The following ABTB2 variants were observed in gnomAD, a reference collection of about 807,000 sequenced individuals.
ABTB2 encodes the protein ankyrin repeat and BTB domain containing 2.
ABTB2 carries 56 observed loss-of-function variants against 104.1 expected under a neutral mutation model. The ratio of observed to expected loss-of-function variants is 0.54; its 90% CI spans 0.43 to 0.67. The LOEUF (loss-of-function observed/expected upper bound fraction) is 0.67, where lower values mean the gene tolerates loss of function less well. Among genes scored for constraint, ABTB2 ranks in the 30% least tolerant of loss-of-function variants. ABTB2 has a pLI of 0.00. For synonymous variants in ABTB2, 606 were observed against 608.2 expected, an observed-to-expected ratio of 1.00 and a Z score of 0.05; for missense variants, 1,279 against 1,407.7, an observed-to-expected ratio of 0.91 and a Z score of 1.46.
intron 3 of ABTB2, among the ~76,000 whole-genome samples, chr11:34,178,656 C>T (rs1852986318): frequency 6.6e-6 from 1 of 152,220 alleles, no homozygotes. Flanking sequence ...AGCCAGGAGA[C>T]CGGGTCGGGG....
chr11:34,167,283 C>T lies in ABTB2; in HGVS notation c.1731G>A (p.Leu577=), dbSNP rs749436429. The T allele has an allele frequency of 1.2e-6, 2 of 1,612,540 alleles. No homozygotes were observed. The highest frequency in any genetic ancestry group is 3.3e-5 in the Admixed American group (2 of 59,900). The change falls in exon 7 of 17, where the codon CTG becomes CTA. Residue 577 remains leucine (L), a synonymous_variant. Transcript: ENST00000435224. ...CCTGGACCACAGAGATGTGTCCATG[C>T]AGCACAGCGAATGTCAGTGAGGTCC... ...RHWTSLTFAV[L]HGHISVVQLL... is the part of the protein sequence containing the mutation.
At chr11:34,317,258 T>G (rs1255482179) in intron 1 of ABTB2, among the ~76,000 whole-genome samples, 2 of 152,230 alleles carry the variant, frequency 1.3e-5, no homozygotes, top group African/African-American at 4.8e-5. Context: ...TGCCCTCTGA[T>G]TCCACTGCCC....
chr11:34,351,931 G>A (rs1010966750), intron 1 of ABTB2, among the ~76,000 whole-genome samples: 3 of 143,490 alleles, frequency 2.1e-5, no homozygotes, highest in African/African-American at 5.8e-5. Flanking sequence ...TCAGGCGTGC[G>A]AGAAAAAAAA....
In ABTB2 at chr11:34,154,748, A is replaced by G. The variant is rs1852598273; in HGVS notation, c.2719T>C (p.Tyr907His). The G allele has an allele frequency of 6.2e-7, 1 of 1,614,160 alleles. No individual in the cohort carries two copies. The highest frequency in any genetic ancestry group is 8.5e-7 in the Non-Finnish European group (1 of 1,180,012). ...IFQMMMQYLY[Y>H]GGTESMEIPT... ...ATCTCCATGGATTCTGTTCCTCCGT[A>G]GTACAGATACTGCATCATCATCTGT... is the stretch of plus-strand genomic sequence containing the variant. The change falls in exon 15 of 17, where the codon TAC becomes CAC. Residue 907 changes from tyrosine to histidine, a missense_variant. Coordinates refer to ENST00000435224, the MANE Select transcript of ABTB2 (RefSeq NM_145804.3). The surrounding 1 kb of genome is among the most constrained non-coding windows in gnomAD (Gnocchi z 4.9).
chr11:34,282,915 CTT>C (rs1278084688), intron 1 of ABTB2, among the ~76,000 whole-genome samples: 2 of 142,460 alleles, frequency 1.4e-5, no homozygotes. Context: ...AAGTCTTTTT[CTT>C]TTTTTTTTTG....
At chr11:34,163,353 A>G (rs749333503) in intron 9 of ABTB2, among the ~76,000 whole-genome samples, 2 of 152,170 alleles carry the variant, frequency 1.3e-5, no homozygotes, top group Non-Finnish European at 2.9e-5. Flanking sequence ...TGTCATGTAG[A>G]ATGTATTCAT....
rs768969501 is a variant in ABTB2, at chr11:34,252,442, G to A, written c.884-47752C>T. ...AGCCCTCCTCAGTCACAGGGGGAGA[G>A]TGCCATCTGGACATCATGACCTCCC... On this transcript the variant is annotated intron_variant, in intron 1 of 16. Transcript: ENST00000435224. The surrounding 1 kb of genome is among the most constrained non-coding windows in gnomAD (Gnocchi z 5.5). Among the ~76,000 whole-genome samples, 1 of 152,132 alleles carries A rather than the reference G, an allele frequency of 6.6e-6. No homozygotes were observed. The highest frequency in any genetic ancestry group is 1.5e-5 in the Non-Finnish European group (1 of 68,026).
chr11:34,344,062 T>C (rs564057939), intron 1 of ABTB2, among the ~76,000 whole-genome samples: 1 of 152,292 alleles, frequency 6.6e-6, no homozygotes, highest in East Asian at 1.9e-4. Context: ...CCAGGCCCCA[T>C]GCCTTCTCAA....
intron 1 of ABTB2, among the ~76,000 whole-genome samples, chr11:34,211,231 C>T (rs1484919660): frequency 2.6e-5 from 4 of 152,172 alleles, no homozygotes; most frequent in African/African-American, 9.7e-5. Flanking sequence ...ATCTCTGCCT[C>T]CTGAGTAGCT....
At chr11:34,323,787 A>G (rs1454526023) in intron 1 of ABTB2, among the ~76,000 whole-genome samples, 1 of 152,066 alleles carries the variant, frequency 6.6e-6, no homozygotes, top group Non-Finnish European at 1.5e-5. Context: ...AGGTGTATGG[A>G]GGGCACTCAA....
At chr11:34,169,855 G>A (rs1852846047) in intron 5 of ABTB2, among the ~76,000 whole-genome samples, 1 of 152,178 alleles carries the variant, frequency 6.6e-6, no homozygotes, top group African/African-American at 2.4e-5. Flanking sequence ...CCCAGGCTCG[G>A]CTCAACCGCT....
chr11:34,226,456 A>C (rs1853687989), intron 1 of ABTB2, among the ~76,000 whole-genome samples: 1 of 152,168 alleles, frequency 6.6e-6, no homozygotes, highest in Admixed American at 6.6e-5. Flanking sequence ...AGGCAGGGTC[A>C]GTACAAACTG....
chr11:34,243,663 T>G (rs1357434550), intron 1 of ABTB2, among the ~76,000 whole-genome samples: 1 of 152,254 alleles, frequency 6.6e-6, no homozygotes, highest in African/African-American at 2.4e-5. Context: ...TTGATTCTCT[T>G]AACTTTCTTG....
chr11:34,321,130 T>TGAG (rs914480712), intron 1 of ABTB2, among the ~76,000 whole-genome samples: 4 of 152,166 alleles, frequency 2.6e-5, no homozygotes, highest in African/African-American at 9.7e-5. Context: ...TGCAGTGAGC[T>TGAG]GAGATCTCAC....
intron 3 of ABTB2, among the ~76,000 whole-genome samples, chr11:34,193,421 C>T (rs1183518010): frequency 6.6e-5 from 10 of 152,204 alleles, no homozygotes; most frequent in Admixed American, 5.9e-4. Flanking sequence ...AGGCCAGGGC[C>T]CACCCAGCAT....
chr11:34,330,083 G>A (rs574432888), intron 1 of ABTB2, among the ~76,000 whole-genome samples: 21 of 152,292 alleles, frequency 1.4e-4, no homozygotes, highest in African/African-American at 5.1e-4. Flanking sequence ...AACAGGTCTT[G>A]GGTAACGACA....
At chr11:34,202,913 C>T (rs1284506211) in intron 2 of ABTB2, among the ~76,000 whole-genome samples, 1 of 152,180 alleles carries the variant, frequency 6.6e-6, no homozygotes, top group East Asian at 1.9e-4. Flanking sequence ...AAGGGGCAGA[C>T]TAAAACTCAG....
chr11:34,195,081 G>GGGT (rs1554982336), intron 3 of ABTB2, among the ~76,000 whole-genome samples: 1 of 102,522 alleles, frequency 9.8e-6, no homozygotes, highest in Non-Finnish European at 2.3e-5. Flanking sequence ...CCGGCGGGGG[G>GGGT]GGGGAGTGGG....
At chr11:34,172,375 A>T (rs1483390988) in intron 4 of ABTB2, among the ~76,000 whole-genome samples, 557 of 13,530 alleles carry the variant, frequency 0.041, 11 homozygotes, top group African/African-American at 0.073. Context: ...CTGTCTCAAA[A>T]AAAAAAAAAA....
Sources: allele counts gnomAD v4.1 joint callset (sites outside exome capture counted in the v4.1 genomes callset), GRCh38; gene constraint gnomAD v4.1.1; non-coding constraint Gnocchi (gnomAD v3.1); transcripts MANE v1.5; gene names NCBI Gene and HGNC (gene_info 2026-07-23, HGNC 2026-07-21).